Variants in CYP39A1 observed in about 807,000 individuals in gnomAD.
CYP39A1 encodes cytochrome P450 family 39 subfamily A member 1.
Under a neutral mutation model 58.1 loss-of-function variants are expected in CYP39A1, and 49 were observed. The ratio of observed to expected loss-of-function variants is 0.84; its 90% CI spans 0.67 to 1.07. The LOEUF (loss-of-function observed/expected upper bound fraction) is 1.07. CYP39A1 is among the 50% of genes least tolerant of loss of function. The probability of loss-of-function intolerance (pLI) is 0.00; values close to 1 mark genes in which losing one functional copy is unlikely to be tolerated. For synonymous variants in CYP39A1, 209 were observed against 187.6 expected (o/e 1.11, Z -0.93); for missense variants, 531 against 539.4 (o/e 0.98, Z 0.16).
chr6:46,616,727 A>T (rs111444420), intron 7 of CYP39A1, among the ~76,000 whole-genome samples: 1 of 152,128 alleles, frequency 6.6e-6, no homozygotes, highest in Non-Finnish European at 1.5e-5. Context: ...TAATAAATGA[A>T]TGGGTGTGGC....
chr6:46,636,066 T>C (rs1039663464), intron 5 of CYP39A1, among the ~76,000 whole-genome samples: 1 of 152,214 alleles, frequency 6.6e-6, no homozygotes, highest in African/African-American at 2.4e-5. Flanking sequence ...TTGTAGAGCT[T>C]TGTTTTTCCT....
chr6:46,611,299 T>C (rs1774198401), intron 7 of CYP39A1, among the ~76,000 whole-genome samples: 1 of 152,222 alleles, frequency 6.6e-6, no homozygotes, highest in African/African-American at 2.4e-5. Flanking sequence ...GCTCAGCTGT[T>C]TCAGTTTGAC....
At chr6:46,611,313 C>G (rs115216164) in intron 7 of CYP39A1, among the ~76,000 whole-genome samples, 293 of 152,314 alleles carry the variant, frequency 1.9e-3, no homozygotes, top group African/African-American at 6.5e-3. Flanking sequence ...GTTTGACATT[C>G]ATAACAATAG....
At position 46,559,890 on chromosome 6, in the gene CYP39A1, T is replaced by C. The variant is rs141123826; in HGVS notation, c.1251-6036A>G. Among the ~76,000 whole-genome samples, 232 of 152,350 alleles carry C rather than the reference T, an allele frequency of 1.5e-3. 1 individual carries two copies. The highest frequency in any genetic ancestry group is 5.0e-3 in the African/African-American group (206 of 41,576). ...CATTCATTCATTCATTCGATGTTTA[T>C]TGTGTCCTTATGTGCTTTATATACT... is the stretch of plus-strand genomic sequence containing the variant. On this transcript the variant is annotated intron_variant, in intron 10 of 11. Transcript: ENST00000275016.
At chr6:46,597,174 T>A (rs1773219148) in intron 7 of CYP39A1, among the ~76,000 whole-genome samples, 1 of 152,058 alleles carries the variant, frequency 6.6e-6, no homozygotes, top group South Asian at 2.1e-4. Flanking sequence ...CACCTTTGGT[T>A]AGTGGAGTCT....
intron 10 of CYP39A1, among the ~76,000 whole-genome samples, chr6:46,574,153 G>A (rs1771736535): frequency 6.6e-6 from 1 of 152,148 alleles, no homozygotes; most frequent in South Asian, 2.1e-4. Context: ...ATCAGCTTCA[G>A]CATAATATTG....
At chr6:46,585,355 A>C (rs1358516613) in intron 10 of CYP39A1, among the ~76,000 whole-genome samples, 1 of 152,120 alleles carries the variant, frequency 6.6e-6, no homozygotes, top group Non-Finnish European at 1.5e-5. Context: ...AGATAGATAG[A>C]TAGATAGACA....
chr6:46,645,500 C>T (rs986773643), intron 1 of CYP39A1, among the ~76,000 whole-genome samples: 14 of 152,118 alleles, frequency 9.2e-5, no homozygotes, highest in African/African-American at 3.1e-4. Context: ...TTGTGTGGCT[C>T]TATCTCTAGA....
At chr6:46,594,655 C>T (rs1271614507) in intron 8 of CYP39A1, among the ~76,000 whole-genome samples, 1 of 151,866 alleles carries the variant, frequency 6.6e-6, no homozygotes, top group African/African-American at 2.4e-5. Context: ...ATACAAAAAT[C>T]AACTGTAATA....
chr6:46,612,065 G>C (rs988741523), intron 7 of CYP39A1, among the ~76,000 whole-genome samples: 2 of 152,182 alleles, frequency 1.3e-5, no homozygotes, highest in African/African-American at 4.8e-5. Flanking sequence ...AGAGGCACCA[G>C]AGTAGAACCT....
At chr6:46,648,851 A>G (rs1762495453) in intron 1 of CYP39A1, among the ~76,000 whole-genome samples, 1 of 152,204 alleles carries the variant, frequency 6.6e-6, no homozygotes. Context: ...GTGTCAACAA[A>G]TAGATACTTG....
In CYP39A1 at chr6:46,628,193, C is replaced by G. The variant is rs113131478; in HGVS notation, c.841-2685G>C. On this transcript the variant is annotated intron_variant, in intron 6 of 11. Transcript: ENST00000275016. ...TCTTCATACCATGCCAGAGAGTCTT[C>G]TACCGATCATGGTAAACACAAATAT... is the stretch of plus-strand genomic sequence containing the variant. Among the ~76,000 whole-genome samples the G allele has an allele frequency of 1.1e-3, 163 of 152,332 alleles. 1 individual carries two copies. Among genetic ancestry groups the G allele is most frequent in the African/African-American group, 3.6e-3 (150 of 41,566 alleles).
At chr6:46,566,273 T>C (rs1028639096) in intron 10 of CYP39A1, among the ~76,000 whole-genome samples, 1 of 152,146 alleles carries the variant, frequency 6.6e-6, no homozygotes, top group Non-Finnish European at 1.5e-5. Context: ...AAACATTCTG[T>C]ATTGGTCCAT....
intron 7 of CYP39A1, among the ~76,000 whole-genome samples, chr6:46,611,683 T>C (rs901388617): frequency 6.6e-6 from 1 of 152,194 alleles, no homozygotes; most frequent in Non-Finnish European, 1.5e-5. Context: ...TGATTTTTTT[T>C]CAAGGAATAA....
At chr6:46,597,681 G>A (rs1012731058) in intron 7 of CYP39A1, among the ~76,000 whole-genome samples, 8 of 152,054 alleles carry the variant, frequency 5.3e-5, no homozygotes, top group Non-Finnish European at 1.0e-4. Context: ...GGTCCAGTTT[G>A]CCCAGAAGGT....
At chr6:46,595,900 G>T (rs528146235) in intron 8 of CYP39A1, 87 bp downstream of exon 8, 4 of 1,241,318 alleles carry the variant, frequency 3.2e-6, no homozygotes, top group Non-Finnish European at 4.6e-6. Flanking sequence ...AATAAATCAA[G>T]ATATGTCAAC....
chr6:46,623,237 G>A lies in CYP39A1; in HGVS notation c.931+2181C>T, dbSNP rs144077505. Among the ~76,000 whole-genome samples, 960 of 152,262 alleles carry A rather than the reference G, an allele frequency of 6.3e-3. 1 individual carries two copies. Among genetic ancestry groups the A allele is most frequent in the Middle Eastern group, 0.017 (5 of 294 alleles). Reference sequence around the variant, plus strand: ...ACATTATTTCTGGGTGTGTCTGTGAGGGTATTACTAGTTGATATTAGCATT... The same window carrying A: ...ACATTATTTCTGGGTGTGTCTGTGAAGGTATTACTAGTTGATATTAGCATT... On this transcript the variant is annotated intron_variant, in intron 7 of 11. Coordinates refer to ENST00000275016, the MANE Select transcript of CYP39A1 (RefSeq NM_016593.5).
intron 1 of CYP39A1, among the ~76,000 whole-genome samples, chr6:46,648,366 C>T (rs867086411): frequency 3.3e-5 from 5 of 151,814 alleles, no homozygotes; most frequent in South Asian, 4.2e-4. Flanking sequence ...TTTGTAAGGA[C>T]GTGGATGAAG....
chr6:46,648,448 C>T (rs1174417379), intron 1 of CYP39A1, among the ~76,000 whole-genome samples: 48 of 137,978 alleles, frequency 3.5e-4, no homozygotes, highest in Non-Finnish European at 5.1e-4. Flanking sequence ...CACTCATAGG[C>T]GGGAATTGAA....
Sources: allele counts gnomAD v4.1 joint callset (sites outside exome capture counted in the v4.1 genomes callset), GRCh38; gene constraint gnomAD v4.1.1; transcripts MANE v1.5; gene names NCBI Gene and HGNC (gene_info 2026-07-23, HGNC 2026-07-21).